SAMD5: variants seen among roughly 807,000 people sequenced by gnomAD.
The protein encoded by SAMD5 is sterile alpha motif domain containing 5.
A neutral mutation model predicts 11.3 loss-of-function variants in SAMD5; 13 were observed. That is an observed-to-expected ratio of 1.15 (90% confidence interval 0.75 to 1.83). SAMD5 has a LOEUF of 1.83. Ranked by LOEUF, SAMD5 falls within the 40% of genes most tolerant of loss-of-function variation. SAMD5 has a pLI of 0.00. For missense variants in SAMD5, 255 were observed against 239.1 expected (o/e 1.07, Z -0.44); for synonymous variants, 129 against 111.3 (o/e 1.16, Z -1.00).
chr6:147,665,830 G>A (rs1790709305), intron 1 of SAMD5, among the ~76,000 whole-genome samples: 1 of 152,152 alleles, frequency 6.6e-6, no homozygotes, highest in African/African-American at 2.4e-5. Context: ...ATTCAACAGT[G>A]TTTTCAACCT....
chr6:147,554,361 C>T lies in SAMD5; in HGVS notation c.460-10033C>T, dbSNP rs142828060. Among the ~76,000 whole-genome samples the T allele has an allele frequency of 4.3e-3, 661 of 152,246 alleles. 2 individuals carry two copies. The highest frequency in any genetic ancestry group is 0.015 in the African/African-American group (619 of 41,538). On this transcript the variant is annotated intron_variant, in intron 1 of 1. Transcript: ENST00000367474. ...CATGCAAATGTGCCTGGGAAAGAAT[C>T]GCTAAAGAGGATGACGCTGTTGTCT...
chr6:147,806,110 C>A, the SAMD5 span, among the ~76,000 whole-genome samples: 3 of 152,072 alleles, frequency 2.0e-5, no homozygotes, highest in African/African-American at 7.2e-5. Context: ...TGGCATGGAG[C>A]CCTATCCACA....
chr6:147,664,557 CTT>C (rs1191321996), intron 1 of SAMD5, among the ~76,000 whole-genome samples: 2 of 152,024 alleles, frequency 1.3e-5, no homozygotes, highest in Non-Finnish European at 2.9e-5. Flanking sequence ...TTGAAGGACT[CTT>C]TTTTAAGTGG....
At chr6:147,615,418 G>A (rs9399610) in intron 1 of SAMD5, among the ~76,000 whole-genome samples, 1 of 152,068 alleles carries the variant, frequency 6.6e-6, no homozygotes, top group Non-Finnish European at 1.5e-5. Flanking sequence ...TGTGAACCAT[G>A]TAATAGTTAT....
At chr6:147,659,925 G>A (rs567230707) in intron 1 of SAMD5, among the ~76,000 whole-genome samples, 1 of 152,252 alleles carries the variant, frequency 6.6e-6, no homozygotes, top group Admixed American at 6.5e-5. Context: ...TCGAGAGGGA[G>A]GAGAGTTGGC....
intron 1 of SAMD5, among the ~76,000 whole-genome samples, chr6:147,597,020 G>T (rs1260968453): frequency 6.6e-6 from 1 of 152,150 alleles, no homozygotes; most frequent in African/African-American, 2.4e-5. Flanking sequence ...TCTGGGTTAT[G>T]GTGGGAATGT....
At chr6:147,629,372 G>T (rs370094703) in intron 1 of SAMD5, among the ~76,000 whole-genome samples, 107 of 152,152 alleles carry the variant, frequency 7.0e-4, no homozygotes, top group African/African-American at 2.5e-3. Flanking sequence ...GTATTGGAAG[G>T]CAAATTCAGA....
chr6:147,801,702 A>C, the SAMD5 span, among the ~76,000 whole-genome samples: 3 of 152,296 alleles, frequency 2.0e-5, no homozygotes, highest in South Asian at 6.2e-4. Flanking sequence ...CCCAAACTAC[A>C]TCACAGGAAA....
At chr6:147,897,484 A>G in the SAMD5 span, among the ~76,000 whole-genome samples, 2,198 of 152,256 alleles carry the variant, frequency 0.014, 54 homozygotes, top group African/African-American at 0.051. Context: ...CCGTAACAGC[A>G]GGGCAAGACT....
chr6:147,748,260 G>A, the SAMD5 span, among the ~76,000 whole-genome samples: 1 of 152,170 alleles, frequency 6.6e-6, no homozygotes, highest in Non-Finnish European at 1.5e-5. Flanking sequence ...TGTGTGTGGT[G>A]GAAGGGACAG....
At chr6:147,820,299 C>A in the SAMD5 span, among the ~76,000 whole-genome samples, 8 of 152,056 alleles carry the variant, frequency 5.3e-5, no homozygotes, top group Admixed American at 3.9e-4. Context: ...GATATCCAAA[C>A]GTTAAAAAGA....
At chr6:147,934,139 G>T in the SAMD5 span, among the ~76,000 whole-genome samples, 1 of 152,148 alleles carries the variant, frequency 6.6e-6, no homozygotes, top group East Asian at 1.9e-4. Flanking sequence ...AGATATTGAT[G>T]GGGGAGGAGG....
the SAMD5 span, among the ~76,000 whole-genome samples, chr6:147,947,804 C>CT: frequency 2.0e-5 from 3 of 151,974 alleles, no homozygotes; most frequent in Non-Finnish European, 2.9e-5. Flanking sequence ...ATTTTCTTGT[C>CT]TTTTTTTCTT....
intron 1 of SAMD5, among the ~76,000 whole-genome samples, chr6:147,707,918 G>A (rs1791346536): frequency 6.6e-6 from 1 of 152,110 alleles, no homozygotes; most frequent in East Asian, 1.9e-4. Context: ...GAGCAATTTA[G>A]GGTGGGGAGT....
Position 147,578,670 on chromosome 6 carries a change from A to G in SAMD5, c.162+69283A>G, listed in dbSNP as rs1789252162. On this transcript the variant is annotated intron_variant, in intron 1 of 1. Coordinates refer to the SAMD5 transcript ENST00000566741. ...GTTGTAGGTCATGTTAGGTACTAAA[A>G]TGCCTAAAAAACAATTTGGTGTTCA... 2.0e-5 allele frequency among the ~76,000 whole-genome samples: 3 copies of G among 152,192 alleles called. No individual in the cohort carries two copies. In the South Asian group the frequency reaches 6.2e-4, roughly 32 times the overall value.
chr6:147,725,545 T>C (rs1345306994), intron 1 of SAMD5, among the ~76,000 whole-genome samples: 1 of 152,112 alleles, frequency 6.6e-6, no homozygotes, highest in Non-Finnish European at 1.5e-5. Context: ...CCCACCACCA[T>C]GCCCAGCTAA....
At chr6:147,939,681 C>T in the SAMD5 span, among the ~76,000 whole-genome samples, 3 of 152,150 alleles carry the variant, frequency 2.0e-5, no homozygotes, top group Admixed American at 2.0e-4. Context: ...GGACTCAACA[C>T]AGGAAGAGAA....
At chr6:147,933,126 C>T in the SAMD5 span, among the ~76,000 whole-genome samples, 1 of 152,120 alleles carries the variant, frequency 6.6e-6, no homozygotes, top group African/African-American at 2.4e-5. Flanking sequence ...CATCACAAAA[C>T]AGAAGATTGA....
At chr6:147,648,463 G>A (rs1288396809) in intron 1 of SAMD5, among the ~76,000 whole-genome samples, 24 of 152,138 alleles carry the variant, frequency 1.6e-4, no homozygotes, top group Admixed American at 1.6e-3. Flanking sequence ...GACGTTGGGT[G>A]GAAACACAGC....
Sources: allele counts gnomAD v4.1 joint callset (sites outside exome capture counted in the v4.1 genomes callset), GRCh38; gene constraint gnomAD v4.1.1; transcripts MANE v1.5; gene names NCBI Gene and HGNC (gene_info 2026-07-23, HGNC 2026-07-21).